FUT9: variants seen among roughly 807,000 people sequenced by gnomAD.
FUT9 encodes 4-galactosyl-N-acetylglucosaminide 3-alpha-L-fucosyltransferase 9.
In FUT9, 15 loss-of-function variants were observed where a neutral mutation model predicts 29.7. The observed-to-expected ratio is 0.51, with a 90% CI of 0.34 to 0.78. The LOEUF is 0.78. Ranked by LOEUF, FUT9 falls within the 30% of genes least tolerant of loss-of-function variation. FUT9 has a pLI of 0.01. For synonymous variants in FUT9, 169 were observed against 153.7 expected (o/e 1.10, Z -0.74); for missense variants, 319 against 425.4 (o/e 0.75, Z 2.20).
At chr6:96,126,382 C>T (rs1367899516) in intron 2 of FUT9, among the ~76,000 whole-genome samples, 1 of 152,114 alleles carries the variant, frequency 6.6e-6, no homozygotes, top group African/African-American at 2.4e-5. Context: ...AGCAAGAAGT[C>T]ACACATTACT....
chr6:96,089,641 T>TG (rs1392232576), intron 1 of FUT9, among the ~76,000 whole-genome samples: 2 of 152,120 alleles, frequency 1.3e-5, no homozygotes, highest in Non-Finnish European at 2.9e-5. Context: ...CAGAGTAAGA[T>TG]GGGGAGCTGA....
chr6:96,151,788 G>A (rs1328930043), intron 2 of FUT9, among the ~76,000 whole-genome samples: 4 of 152,128 alleles, frequency 2.6e-5, no homozygotes, highest in South Asian at 2.1e-4. Flanking sequence ...AGGAAGCAAC[G>A]ATCCAGTATA....
chr6:96,050,751 G>A (rs142781664), intron 1 of FUT9, among the ~76,000 whole-genome samples: 9 of 152,294 alleles, frequency 5.9e-5, no homozygotes, highest in African/African-American at 2.2e-4. Flanking sequence ...TGCTTAGAAA[G>A]ATTACCTCAG....
intron 2 of FUT9, among the ~76,000 whole-genome samples, chr6:96,129,845 A>T (rs1422924243): frequency 1.3e-5 from 2 of 152,030 alleles, no homozygotes; most frequent in Non-Finnish European, 2.9e-5. Flanking sequence ...GAAGTGAGTA[A>T]ATGTTTTCAG....
intron 2 of FUT9, among the ~76,000 whole-genome samples, chr6:96,164,727 C>T (rs1772982466): frequency 6.6e-6 from 1 of 152,160 alleles, no homozygotes; most frequent in South Asian, 2.1e-4. Flanking sequence ...CCATCATGGC[C>T]TGAACTCGTG....
rs1486205884 is a variant in FUT9 at position 96,185,423 on chromosome 6, A to T, written c.-8-17725A>T. On this transcript the variant is annotated intron_variant, in intron 2 of 2. Coordinates refer to ENST00000302103, the MANE Select transcript of FUT9 (RefSeq NM_006581.4). ...GTTGAAGAAATAAATAATGATTTCC[A>T]GTCAGAGCCTTAGGCAGGTATATGA... 2.6e-5 allele frequency among the ~76,000 whole-genome samples: 4 copies of T among 152,122 alleles called. No homozygotes were observed. The East Asian group carries it at 7.7e-4, about 29-fold the overall frequency.
At chr6:96,040,673 G>T (rs555967392) in intron 1 of FUT9, among the ~76,000 whole-genome samples, 1 of 151,982 alleles carries the variant, frequency 6.6e-6, no homozygotes, top group Admixed American at 6.6e-5. Context: ...AGTGCAGTGT[G>T]GATAGAGGGG....
chr6:96,188,813 T>C (rs1323968788), intron 2 of FUT9, among the ~76,000 whole-genome samples: 1 of 151,862 alleles, frequency 6.6e-6, no homozygotes, highest in Admixed American at 6.6e-5. Context: ...GGTTTAAACA[T>C]TGGAAATGCT....
chr6:96,085,909 T>G (rs1044361841), intron 1 of FUT9, among the ~76,000 whole-genome samples: 5 of 152,170 alleles, frequency 3.3e-5, no homozygotes, highest in African/African-American at 1.2e-4. Flanking sequence ...ACAAACAACA[T>G]TGTTATGTTT....
At chr6:96,035,857 A>C (rs1288528218) in intron 1 of FUT9, among the ~76,000 whole-genome samples, 2 of 121,806 alleles carry the variant, frequency 1.6e-5, no homozygotes, top group Non-Finnish European at 3.4e-5. Context: ...TATTATGTTT[A>C]TTATATTAAT....
At chr6:96,064,268 T>C (rs1770924873) in intron 1 of FUT9, among the ~76,000 whole-genome samples, 1 of 152,198 alleles carries the variant, frequency 6.6e-6, no homozygotes, top group Non-Finnish European at 1.5e-5. Context: ...CAGAAACTTG[T>C]TACCTATGAG....
chr6:96,148,033 G>A (rs906920041), intron 2 of FUT9, among the ~76,000 whole-genome samples: 3 of 112,954 alleles, frequency 2.7e-5, no homozygotes, highest in African/African-American at 5.6e-5. Context: ...CAACTTTTAT[G>A]TTGGAAAGAA....
At chr6:96,073,544 A>G (rs1185084341) in intron 1 of FUT9, among the ~76,000 whole-genome samples, 1 of 152,184 alleles carries the variant, frequency 6.6e-6, no homozygotes, top group Non-Finnish European at 1.5e-5. Flanking sequence ...AGTGTGTAGT[A>G]TTCAATAGGA....
At chr6:96,052,786 T>C (rs1419044311) in intron 1 of FUT9, among the ~76,000 whole-genome samples, 6 of 152,146 alleles carry the variant, frequency 3.9e-5, no homozygotes, top group Non-Finnish European at 8.8e-5. Flanking sequence ...AAGATACTTT[T>C]TGAAACATTA....
intron 2 of FUT9, among the ~76,000 whole-genome samples, chr6:96,162,810 T>C (rs1244282202): frequency 6.6e-6 from 1 of 152,216 alleles, no homozygotes; most frequent in Non-Finnish European, 1.5e-5. Flanking sequence ...ACTGCTGTCA[T>C]ACTGGAGCCC....
At chr6:96,134,070 G>A (rs973458253) in intron 2 of FUT9, among the ~76,000 whole-genome samples, 3 of 151,662 alleles carry the variant, frequency 2.0e-5, no homozygotes, top group Non-Finnish European at 4.4e-5. Flanking sequence ...GTTTGGGAAT[G>A]AGTTAAATGA....
chr6:96,077,235 C>G (rs1771154244), intron 1 of FUT9, among the ~76,000 whole-genome samples: 1 of 152,130 alleles, frequency 6.6e-6, no homozygotes, highest in African/African-American at 2.4e-5. Flanking sequence ...CACCAACACA[C>G]ACACATACAC....
At chr6:96,091,991 A>G (rs1364293706) in intron 1 of FUT9, among the ~76,000 whole-genome samples, 2 of 152,162 alleles carry the variant, frequency 1.3e-5, no homozygotes, top group African/African-American at 4.8e-5. Context: ...GTATACTACT[A>G]TCAACATAGA....
Position 96,064,460 on chromosome 6 carries a change from GA to G in FUT9, c.-98+48255del, listed in dbSNP as rs1255193503. Among the ~76,000 whole-genome samples the G allele has an allele frequency of 8.5e-5, 13 of 152,122 alleles. No individual in the cohort carries two copies. The South Asian group carries it at 1.9e-3, about 22-fold the overall frequency. ...GCAGGTGCATAGTAAAGACAGCAAA[GA>G]AAAAAATGAGGGGGCTGATGGCGTC... On this transcript the variant is annotated intron_variant, in intron 1 of 2. Transcript: ENST00000302103.
Sources: allele counts gnomAD v4.1 joint callset (sites outside exome capture counted in the v4.1 genomes callset), GRCh38; gene constraint gnomAD v4.1.1; transcripts MANE v1.5; gene names NCBI Gene and HGNC (gene_info 2026-07-23, HGNC 2026-07-21).